CYTH3: variants seen among roughly 807,000 people sequenced by gnomAD.
CYTH3 encodes the protein cytohesin 3.
In CYTH3, 23 loss-of-function variants were observed where a neutral mutation model predicts 55.1. The ratio of observed to expected loss-of-function variants is 0.42; its 90% CI spans 0.30 to 0.59. The LOEUF is 0.59. Ranked by LOEUF, CYTH3 falls within the 20% of genes least tolerant of loss-of-function variation. The pLI, the probability that CYTH3 is intolerant of heterozygous loss-of-function variation, is 0.20. For synonymous variants in CYTH3, 249 were observed against 194.9 expected (o/e 1.28, Z -2.31); for missense variants, 413 against 524.8 (o/e 0.79, Z 2.08).
rs540771942 is a variant in CYTH3 at position 6,169,863 on chromosome 7, C to T, written c.823+672G>A. Among the ~76,000 whole-genome samples, 11 of 152,208 alleles carry T rather than the reference C, an allele frequency of 7.2e-5. No individual in the cohort carries two copies. The highest frequency in any genetic ancestry group is 2.4e-4 in the African/African-American group (10 of 41,524). ...CACAGGGTGGGGGGCAAGTTGGTTC[C>T]CACACAGCATCCCCATGTGCTCCAG... On this transcript the variant is annotated intron_variant, in intron 9 of 12. Transcript: ENST00000350796. This position sits in a 1 kb window ranked among gnomAD's most constrained non-coding sequence, Gnocchi z 4.1.
chr7:6,206,295 G>A (rs977821754), intron 1 of CYTH3, among the ~76,000 whole-genome samples: 8 of 152,230 alleles, frequency 5.3e-5, no homozygotes, highest in African/African-American at 1.9e-4. Flanking sequence ...ACTGGCACAT[G>A]CTACAACACA....
At chr7:6,265,724 A>T (rs1416120220) in intron 1 of CYTH3, among the ~76,000 whole-genome samples, 1 of 152,104 alleles carries the variant, frequency 6.6e-6, no homozygotes, top group Admixed American at 6.5e-5. Context: ...CAATAAACCG[A>T]GGAAAGAGCA....
chr7:6,247,503 G>A (rs886544615), intron 1 of CYTH3, among the ~76,000 whole-genome samples: 2 of 151,760 alleles, frequency 1.3e-5, no homozygotes, highest in Non-Finnish European at 2.9e-5. Context: ...TCTTCTTTAC[G>A]AACAACATTT....
At chr7:6,259,918 C>T (rs1780307254) in intron 1 of CYTH3, among the ~76,000 whole-genome samples, 1 of 140,344 alleles carries the variant, frequency 7.1e-6, no homozygotes. Context: ...ACAACCTCCG[C>T]CTCCCAGGTT....
intron 1 of CYTH3, among the ~76,000 whole-genome samples, chr7:6,207,472 C>T (rs924623645): frequency 1.3e-5 from 2 of 152,048 alleles, no homozygotes; most frequent in Admixed American, 6.6e-5. Flanking sequence ...TTAATTCAAA[C>T]TTGATGTTTG....
At chr7:6,211,689 C>T (rs146635231) in intron 1 of CYTH3, among the ~76,000 whole-genome samples, 1 of 152,062 alleles carries the variant, frequency 6.6e-6, no homozygotes, top group South Asian at 2.1e-4. Flanking sequence ...TATAGTTACC[C>T]TGTTGTGCTA....
intron 1 of CYTH3, among the ~76,000 whole-genome samples, chr7:6,235,584 G>T (rs760529978): frequency 2.0e-5 from 3 of 151,960 alleles, no homozygotes; most frequent in Non-Finnish European, 4.4e-5. Context: ...CCTAGGTCCT[G>T]CCTAACTCCG....
At chr7:6,232,729 C>T (rs187838338) in intron 1 of CYTH3, among the ~76,000 whole-genome samples, 4 of 152,304 alleles carry the variant, frequency 2.6e-5, no homozygotes, top group Non-Finnish European at 5.9e-5. Flanking sequence ...CTGACTGTCC[C>T]GCTTCCCTCG....
At chr7:6,247,421 C>T (rs1216063384) in intron 1 of CYTH3, among the ~76,000 whole-genome samples, 2 of 149,994 alleles carry the variant, frequency 1.3e-5, no homozygotes, top group African/African-American at 2.5e-5. Flanking sequence ...AGAAACAGCT[C>T]GTTTTTTTTC....
chr7:6,205,371 G>C (rs1171378575), intron 1 of CYTH3, among the ~76,000 whole-genome samples: 1 of 152,052 alleles, frequency 6.6e-6, no homozygotes, highest in Non-Finnish European at 1.5e-5. Flanking sequence ...TCAGGAGTTT[G>C]AGATCAGGCT....
chr7:6,259,832 ATT>A lies in CYTH3; in HGVS notation c.34+12640_34+12641del, dbSNP rs10586697. Among the ~76,000 whole-genome samples, 111 of 17,528 alleles carry A rather than the reference ATT, an allele frequency of 6.3e-3. 3 individuals are homozygous for A. Among genetic ancestry groups the A allele is most frequent in the East Asian group, 0.03 (18 of 610 alleles). 11.5% of individuals were successfully genotyped at this position (17,528 alleles called of 152,430 possible). A position where few individuals can be genotyped will look rare whatever the true frequency, so the allele number is the denominator to read the frequency against. On this transcript the variant is annotated intron_variant, in intron 1 of 12. Coordinates refer to ENST00000350796, the MANE Select transcript of CYTH3 (RefSeq NM_004227.4). ...ATATATAATATATATATATATATAT[ATT>A]TTTTTTTTTTTTTAAGACGGATTTT... is the stretch of plus-strand genomic sequence containing the variant.
At chr7:6,191,591 C>CTT (rs1172231329) in intron 1 of CYTH3, among the ~76,000 whole-genome samples, 1,784 of 104,976 alleles carry the variant, frequency 0.017, 54 homozygotes, top group African/African-American at 0.046. Flanking sequence ...TAGGGAAGGA[C>CTT]TTTTTTTTTT....
chr7:6,253,216 AT>A (rs35516602), intron 1 of CYTH3, among the ~76,000 whole-genome samples: 22,712 of 139,286 alleles, frequency 0.16, 2,443 homozygotes, highest in African/African-American at 0.34. Flanking sequence ...CACGAAAACA[AT>A]TTTTTTTTTT....
At chr7:6,249,346 C>T (rs1779903089) in intron 1 of CYTH3, among the ~76,000 whole-genome samples, 1 of 152,212 alleles carries the variant, frequency 6.6e-6, no homozygotes, top group Non-Finnish European at 1.5e-5. Context: ...AGTTCCAATT[C>T]TCCCCAGGCA....
intron 1 of CYTH3, among the ~76,000 whole-genome samples, chr7:6,259,738 TA>T: frequency 2.2e-5 from 1 of 45,882 alleles, no homozygotes; most frequent in Admixed American, 3.5e-4. Context: ...TACATACATA[TA>T]TATAATATAT....
At chr7:6,198,774 TA>T (rs57184967) in intron 1 of CYTH3, among the ~76,000 whole-genome samples, 40,216 of 136,546 alleles carry the variant, frequency 0.29, 9,464 homozygotes, top group East Asian at 0.73. Context: ...ATAAAGCTGC[TA>T]AAAAAAAAAA....
At chr7:6,175,215 G>A (rs1400585219) in intron 5 of CYTH3, among the ~76,000 whole-genome samples, 1 of 151,930 alleles carries the variant, frequency 6.6e-6, no homozygotes, top group Non-Finnish European at 1.5e-5. Context: ...CTTTTTTTCA[G>A]GCTAGTCAAG....
intron 1 of CYTH3, among the ~76,000 whole-genome samples, chr7:6,230,314 C>A (rs1386520685): frequency 1.3e-5 from 2 of 152,156 alleles, no homozygotes; most frequent in Admixed American, 1.3e-4. Context: ...TGGAAACTTA[C>A]AAGGAGTATA....
intron 6 of CYTH3, among the ~76,000 whole-genome samples, 182 bp downstream of exon 6, chr7:6,173,471 A>G (rs1292330457): frequency 6.6e-6 from 1 of 152,188 alleles, no homozygotes; most frequent in Non-Finnish European, 1.5e-5. Context: ...GTGTGCCCCA[A>G]TTCCTGTCTA....
Sources: gnomAD v4.1 joint callset for allele counts (sites outside exome capture counted in the v4.1 genomes callset) on GRCh38, gnomAD v4.1.1 for gene constraint, Gnocchi (gnomAD v3.1) non-coding constraint, MANE v1.5 for transcripts, NCBI Gene and HGNC (gene_info 2026-07-23, HGNC 2026-07-21) for gene names.